Variants in NRG1 observed in about 807,000 individuals in gnomAD.
NRG1 encodes the protein neuregulin 1.
Under a neutral mutation model 63.8 loss-of-function variants are expected in NRG1, and 18 were observed. That is an observed-to-expected ratio of 0.28 (90% CI 0.19 to 0.42). The LOEUF is 0.42. Among genes scored for constraint, NRG1 ranks in the 10% least tolerant of loss-of-function variants. NRG1 has a pLI of 1.00. For missense variants in NRG1, 762 were observed against 814.7 expected (o/e 0.94, Z 0.79); for synonymous variants, 302 against 301.3 (o/e 1.00, Z -0.02).
At chr8:32,181,994 T>A (rs1461099313) in intron 1 of NRG1, among the ~76,000 whole-genome samples, 1 of 152,248 alleles carries the variant, frequency 6.6e-6, no homozygotes, top group Non-Finnish European at 1.5e-5. Flanking sequence ...AACTTATCAG[T>A]AAGTAGCATG....
intron 1 of NRG1, among the ~76,000 whole-genome samples, chr8:32,482,567 G>C (rs1825435824): frequency 6.6e-6 from 1 of 152,148 alleles, no homozygotes. Flanking sequence ...CCCTGAAGCT[G>C]TCCAACCTCA....
At chr8:31,963,322 T>C (rs1586113027) in intron 1 of NRG1, among the ~76,000 whole-genome samples, 1 of 152,194 alleles carries the variant, frequency 6.6e-6, no homozygotes, top group African/African-American at 2.4e-5. Flanking sequence ...GTGAATAGAA[T>C]GTGCTTTTAT....
At chr8:32,658,464 A>T (rs1056704266) in intron 5 of NRG1, among the ~76,000 whole-genome samples, 2 of 152,174 alleles carry the variant, frequency 1.3e-5, no homozygotes, top group African/African-American at 4.8e-5. Flanking sequence ...TTTCGTTAGG[A>T]CATACTGAGT....
intron 1 of NRG1, among the ~76,000 whole-genome samples, chr8:32,170,331 C>T (rs368882475): frequency 3.6e-4 from 55 of 152,296 alleles, no homozygotes; most frequent in African/African-American, 1.3e-3. Flanking sequence ...AGGCAAGATG[C>T]GTATGCTGAT....
chr8:32,654,707 A>G (rs1855913978), intron 5 of NRG1, among the ~76,000 whole-genome samples: 1 of 152,114 alleles, frequency 6.6e-6, no homozygotes, highest in Non-Finnish European at 1.5e-5. Context: ...GTCTCCCAAC[A>G]ATATAATATA....
At chr8:31,913,328 G>C (rs1833101678) in intron 1 of NRG1, among the ~76,000 whole-genome samples, 1 of 152,042 alleles carries the variant, frequency 6.6e-6, no homozygotes, top group South Asian at 2.1e-4. Flanking sequence ...AGGAAAAAGG[G>C]AAGGAAAAAG....
chr8:32,721,656 T>C (rs979088736), intron 5 of NRG1: 8 of 235,170 alleles, frequency 3.4e-5, no homozygotes, highest in Non-Finnish European at 6.3e-5. Context: ...TTCTTTCTTT[T>C]TCAAGTACAT....
At chr8:32,182,516 G>A (rs531170291) in intron 1 of NRG1, among the ~76,000 whole-genome samples, 1 of 152,296 alleles carries the variant, frequency 6.6e-6, no homozygotes, top group East Asian at 1.9e-4. Context: ...CAAAGTGCTG[G>A]GATTAGAGGC....
At chr8:32,371,473 T>C (rs143742874) in intron 1 of NRG1, among the ~76,000 whole-genome samples, 2 of 152,270 alleles carry the variant, frequency 1.3e-5, no homozygotes, top group Non-Finnish European at 2.9e-5. Flanking sequence ...GCCTACCCAA[T>C]ATCTAGTCTC....
intron 1 of NRG1, among the ~76,000 whole-genome samples, chr8:31,961,789 G>T (rs139649769): frequency 1.3e-5 from 2 of 152,172 alleles, no homozygotes; most frequent in East Asian, 3.9e-4. Flanking sequence ...AACATTATTT[G>T]CTCACTTTTG....
chr8:32,654,458 G>T (rs925510307), intron 5 of NRG1, among the ~76,000 whole-genome samples: 1 of 151,854 alleles, frequency 6.6e-6, no homozygotes, highest in African/African-American at 2.4e-5. Context: ...GTGAAACCCT[G>T]TGTCTACTAA....
chr8:32,687,222 C>A lies in NRG1; in HGVS notation c.503-40727C>A, dbSNP rs187801940. 1.1e-4 allele frequency among the ~76,000 whole-genome samples: 16 copies of A among 152,212 alleles called. No homozygotes were observed. The East Asian group carries it at 3.1e-3, about 29-fold the overall frequency. Reference sequence around the variant, plus strand: ...GAAATATAAAATGTGTTCTTATTATCCCTTCCTCAATAAAGGGGCAAACAA... The same window carrying A: ...GAAATATAAAATGTGTTCTTATTATACCTTCCTCAATAAAGGGGCAAACAA... On this transcript the variant is annotated intron_variant, in intron 5 of 11. Coordinates refer to ENST00000356819, the Ensembl canonical transcript of NRG1.
intron 1 of NRG1, among the ~76,000 whole-genome samples, chr8:32,559,801 C>G (rs915597839): frequency 1.3e-5 from 2 of 149,272 alleles, no homozygotes. Flanking sequence ...TCAAGACCAG[C>G]CTGGGCAACA....
In NRG1 at chr8:31,877,060, T is replaced by G. The variant is rs576462763; in HGVS notation, c.37+237629T>G. Among the ~76,000 whole-genome samples the G allele has an allele frequency of 6.6e-5, 10 of 152,260 alleles. No homozygotes were observed. In the South Asian group the frequency reaches 2.1e-3, roughly 32 times the overall value. ...ACATCCAAATCACATAAAGAAATCT[T>G]TAGATCTGAGAATAATTGTGAAAAG... On this transcript the variant is annotated intron_variant, in intron 1 of 10. Coordinates refer to the NRG1 transcript ENST00000519301.
chr8:32,151,379 T>C (rs1837480169), intron 1 of NRG1, among the ~76,000 whole-genome samples: 1 of 151,982 alleles, frequency 6.6e-6, no homozygotes, highest in Non-Finnish European at 1.5e-5. Context: ...ATAAAAGCCA[T>C]AGTAATAAGT....
intron 1 of NRG1, among the ~76,000 whole-genome samples, chr8:31,828,500 A>G (rs1824793601): frequency 6.6e-6 from 1 of 152,160 alleles, no homozygotes; most frequent in Non-Finnish European, 1.5e-5. Context: ...ACTGGGTCCA[A>G]TAATCCCCCG....
At chr8:31,886,544 C>T (rs1830727468) in intron 1 of NRG1, among the ~76,000 whole-genome samples, 1 of 151,948 alleles carries the variant, frequency 6.6e-6, no homozygotes, top group African/African-American at 2.4e-5. Flanking sequence ...CTTTTAATGA[C>T]AAGGGTAGGC....
intron 1 of NRG1, among the ~76,000 whole-genome samples, chr8:32,446,104 G>C (rs1820207104): frequency 6.6e-6 from 1 of 152,070 alleles, no homozygotes. Flanking sequence ...ACGGTCTCTG[G>C]AGCTCATAAC....
chr8:31,758,435 C>A (rs1817201510), intron 1 of NRG1, among the ~76,000 whole-genome samples: 1 of 152,234 alleles, frequency 6.6e-6, no homozygotes, highest in East Asian at 1.9e-4. Context: ...CTGCAGCACT[C>A]TTCACGATAG....
Sources: gnomAD v4.1 joint callset for allele counts (sites outside exome capture counted in the v4.1 genomes callset) on GRCh38, gnomAD v4.1.1 for gene constraint, MANE v1.5 for transcripts, NCBI Gene and HGNC (gene_info 2026-07-23, HGNC 2026-07-21) for gene names.